Variants in SBF2 observed in about 807,000 individuals in gnomAD.
SBF2 encodes myotubularin-related protein 13.
Under a neutral mutation model 225.2 loss-of-function variants are expected in SBF2, and 112 were observed. The ratio of observed to expected loss-of-function variants is 0.50; its 90% CI spans 0.43 to 0.58. The LOEUF is 0.58. SBF2 is among the 20% of genes least tolerant of loss of function. The pLI is 0.00. For missense variants in SBF2, 1,996 were observed against 2,206.2 expected, an observed-to-expected ratio of 0.90 and a Z score of 1.91; for synonymous variants, 763 against 773.3, an observed-to-expected ratio of 0.99 and a Z score of 0.22.
chr11:10,160,868 C>G (rs758330454), intron 2 of SBF2, among the ~76,000 whole-genome samples: 3 of 152,114 alleles, frequency 2.0e-5, no homozygotes, highest in Non-Finnish European at 2.9e-5. Context: ...CAAAACTACA[C>G]GTGTACCACT....
chr11:9,887,944 C>T (rs895908626), intron 17 of SBF2, among the ~76,000 whole-genome samples: 2 of 152,000 alleles, frequency 1.3e-5, no homozygotes, highest in Non-Finnish European at 2.9e-5. Context: ...TTATCATTTA[C>T]CAATTAAAAG....
chr11:10,287,801 G>A (rs1254271780), intron 1 of SBF2, among the ~76,000 whole-genome samples: 2 of 152,088 alleles, frequency 1.3e-5, no homozygotes, highest in East Asian at 1.9e-4. Flanking sequence ...CCACCCACTC[G>A]GCCTTGTAGG....
intron 1 of SBF2, among the ~76,000 whole-genome samples, chr11:10,196,851 T>C (rs1565344978): frequency 4.8e-5 from 1 of 20,884 alleles, no homozygotes; most frequent in East Asian, 1.4e-3. Context: ...TATATATATA[T>C]ATATATATAT....
rs73408778 is a variant in SBF2, at chr11:10,000,606, G to T, written c.861+308C>A. Among the ~76,000 whole-genome samples, 2,288 of 152,120 alleles carry T rather than the reference G, an allele frequency of 0.015. 38 individuals carry two copies. Among genetic ancestry groups the T allele is most frequent in the African/African-American group, 0.04 (1,640 of 41,504 alleles). ...TCACTTCAAAATATAAAACAATTAT[G>T]CACTAATATCAAAAGTATAAATAGA... On this transcript the variant is annotated intron_variant, in intron 8 of 39. Transcript: ENST00000256190.
At chr11:10,085,389 A>G (rs1951525181) in intron 2 of SBF2, among the ~76,000 whole-genome samples, 1 of 152,154 alleles carries the variant, frequency 6.6e-6, no homozygotes, top group African/African-American at 2.4e-5. Flanking sequence ...TAAATGTATC[A>G]GGACTATCCG....
At chr11:10,071,944 A>AAATCATTC (rs1395423093) in intron 2 of SBF2, among the ~76,000 whole-genome samples, 2 of 152,106 alleles carry the variant, frequency 1.3e-5, no homozygotes, top group Non-Finnish European at 2.9e-5. Flanking sequence ...ATTTGTAGGG[A>AAATCATTC]AATCATTCAA....
chr11:10,101,874 T>G (rs545510465), intron 2 of SBF2, among the ~76,000 whole-genome samples: 19 of 152,238 alleles, frequency 1.2e-4, no homozygotes, highest in African/African-American at 4.6e-4. Flanking sequence ...AGGACCCCTA[T>G]AAGCCTACCT....
intron 9 of SBF2, among the ~76,000 whole-genome samples, chr11:9,996,145 T>C (rs906421540): frequency 5.3e-5 from 8 of 152,306 alleles, no homozygotes; most frequent in South Asian, 4.1e-4. Flanking sequence ...CCAGGAGCCA[T>C]TGGCTTAAGA....
intron 1 of SBF2, among the ~76,000 whole-genome samples, chr11:10,197,266 T>C (rs547560357): frequency 1.2e-4 from 19 of 152,304 alleles, no homozygotes; most frequent in African/African-American, 4.6e-4. Flanking sequence ...GTAGAGGATC[T>C]GGAAACAATT....
At chr11:9,787,941 G>C in intron 35 of SBF2, 1 of 609,932 alleles carries the variant, frequency 1.6e-6, no homozygotes, top group Non-Finnish European at 2.9e-6. Flanking sequence ...TGGCAAAGAT[G>C]GTTTATTAGG....
chr11:10,304,426 T>C (rs1288060892), intron 1 of SBF2, among the ~76,000 whole-genome samples: 1 of 152,160 alleles, frequency 6.6e-6, no homozygotes, highest in African/African-American at 2.4e-5. Context: ...TTCAGATAAT[T>C]CCCCCCTCCA....
intron 31 of SBF2, 94 bp downstream of exon 31, chr11:9,808,807 T>G: frequency 1.1e-6 from 1 of 917,022 alleles, no homozygotes; most frequent in South Asian, 1.4e-5. Context: ...CATAAACACA[T>G]TAGTCATTAT....
At chr11:10,162,658 G>A (rs2278631) in intron 2 of SBF2, among the ~76,000 whole-genome samples, 8,341 of 152,192 alleles carry the variant, frequency 0.055, 317 homozygotes, top group Middle Eastern at 0.14. Context: ...CCAGTACTCC[G>A]TCACCCTCCG....
At chr11:9,820,484 T>C (rs1342633006) in intron 28 of SBF2, among the ~76,000 whole-genome samples, 1 of 152,204 alleles carries the variant, frequency 6.6e-6, no homozygotes, top group African/African-American at 2.4e-5. Flanking sequence ...AATTTTGAAC[T>C]TTCCTATTGA....
At chr11:9,967,666 A>C (rs1867014130) in intron 14 of SBF2, among the ~76,000 whole-genome samples, 1 of 152,154 alleles carries the variant, frequency 6.6e-6, no homozygotes, top group Non-Finnish European at 1.5e-5. Context: ...CTGTAATCCC[A>C]ACACTTTGGG....
chr11:10,178,753 A>C (rs1387363803), intron 2 of SBF2, among the ~76,000 whole-genome samples: 72 of 142,494 alleles, frequency 5.1e-4, no homozygotes, highest in African/African-American at 1.5e-3. Flanking sequence ...GTGGGACTGT[A>C]AACTAGTTCA....
chr11:10,228,719 T>G (rs1265794090), intron 1 of SBF2, among the ~76,000 whole-genome samples: 1 of 152,242 alleles, frequency 6.6e-6, no homozygotes, highest in Non-Finnish European at 1.5e-5. Flanking sequence ...GGATTCGGTT[T>G]GCCAGTATTT....
intron 1 of SBF2, among the ~76,000 whole-genome samples, chr11:10,230,885 G>C (rs556516329): frequency 3.3e-5 from 5 of 152,118 alleles, no homozygotes; most frequent in Admixed American, 6.5e-5. Flanking sequence ...AGTTCTCCTG[G>C]ATAATATCCT....
intron 1 of SBF2, among the ~76,000 whole-genome samples, chr11:10,211,873 C>T (rs574443434): frequency 1.3e-5 from 2 of 152,306 alleles, no homozygotes; most frequent in African/African-American, 2.4e-5. Context: ...TAGCAAGTGC[C>T]TGTTTCTACC....
Sources: allele counts gnomAD v4.1 joint callset (sites outside exome capture counted in the v4.1 genomes callset), GRCh38; gene constraint gnomAD v4.1.1; transcripts MANE v1.5; gene names NCBI Gene and HGNC (gene_info 2026-07-23, HGNC 2026-07-21).